Variants in SRPK2 observed in about 807,000 individuals in gnomAD.
The protein encoded by SRPK2 is SRSF protein kinase 2, also known as SFRS protein kinase 2.
In SRPK2, 21 loss-of-function variants were observed where a neutral mutation model predicts 90.8. The observed-to-expected ratio is 0.23, with a 90% CI of 0.16 to 0.33. The LOEUF is 0.33. Among genes scored for constraint, SRPK2 ranks in the 10% least tolerant of loss-of-function variants. The probability of loss-of-function intolerance (pLI) is 1.00; values close to 1 mark genes in which losing one functional copy is unlikely to be tolerated. For synonymous variants in SRPK2, 288 were observed against 311.1 expected (o/e 0.93, Z 0.78); for missense variants, 620 against 869.0 (o/e 0.71, Z 3.60).
rs762401210 is a variant in SRPK2, at chr7:105,160,493, G to A, written c.621+14C>T. Reference sequence around the variant, plus strand: ...TAGGTACTAGGGCCTAGGGGCTGCCGTCAAAAGTCTCACCTGTCGAATGAT... The same window carrying A: ...TAGGTACTAGGGCCTAGGGGCTGCCATCAAAAGTCTCACCTGTCGAATGAT... On this transcript the variant is annotated intron_variant, in intron 7 of 15. Transcript: ENST00000393651. The A allele has an allele frequency of 7.6e-6, 12 of 1,572,136 alleles. No individual in the cohort carries two copies. Among genetic ancestry groups the A allele is most frequent in the African/African-American group, 2.7e-5 (2 of 74,186 alleles).
At chr7:105,357,601 G>A (rs934462535) in intron 2 of SRPK2, among the ~76,000 whole-genome samples, 10 of 151,882 alleles carry the variant, frequency 6.6e-5, no homozygotes, top group Admixed American at 1.3e-4. Flanking sequence ...AAAAATAGCC[G>A]GGTGCGGTGG....
intron 2 of SRPK2, among the ~76,000 whole-genome samples, chr7:105,370,313 AAC>A (rs2132428543): frequency 1.3e-5 from 2 of 152,240 alleles, no homozygotes; most frequent in South Asian, 4.1e-4. Flanking sequence ...AAACCTGCCC[AAC>A]ACACACAGTC....
chr7:105,366,352 C>A (rs1819052060), intron 2 of SRPK2, among the ~76,000 whole-genome samples: 1 of 145,748 alleles, frequency 6.9e-6, no homozygotes, highest in Admixed American at 7.1e-5. Flanking sequence ...ATTGTATTAG[C>A]ATCTACAGGT....
At chr7:105,291,644 T>C (rs2131043680) in intron 2 of SRPK2, among the ~76,000 whole-genome samples, 1 of 152,204 alleles carries the variant, frequency 6.6e-6, no homozygotes, top group Non-Finnish European at 1.5e-5. Context: ...GCACAAGAAT[T>C]GCTTGAACCC....
intron 1 of SRPK2, among the ~76,000 whole-genome samples, chr7:105,398,075 T>TTAATATA (rs1822380144): frequency 6.6e-6 from 1 of 152,222 alleles, no homozygotes; most frequent in Non-Finnish European, 1.5e-5. Context: ...AAGTATTAAA[T>TTAATATA]ATTTATAAAA....
intron 2 of SRPK2, among the ~76,000 whole-genome samples, chr7:105,251,107 T>C (rs940253122): frequency 2.6e-5 from 4 of 152,176 alleles, no homozygotes; most frequent in African/African-American, 4.8e-5. Context: ...TACTTTGAAA[T>C]AAATACTTAC....
intron 1 of SRPK2, among the ~76,000 whole-genome samples, chr7:105,398,363 G>A (rs1411858198): frequency 6.6e-6 from 1 of 151,466 alleles, no homozygotes; most frequent in Non-Finnish European, 1.5e-5. Flanking sequence ...GGCCTTTAAT[G>A]GATGAAAACC....
At chr7:105,315,106 C>T (rs992988965) in intron 2 of SRPK2, among the ~76,000 whole-genome samples, 12 of 152,208 alleles carry the variant, frequency 7.9e-5, no homozygotes, top group African/African-American at 2.9e-4. Flanking sequence ...GGGGATCCCA[C>T]CTCTATTTTT....
chr7:105,170,961 AAGAAAG>A (rs373491814), intron 3 of SRPK2, among the ~76,000 whole-genome samples: 4,337 of 45,244 alleles, frequency 0.096, 531 homozygotes, highest in South Asian at 0.2. Flanking sequence ...GAAAGAAAGA[AAGAAAG>A]AGAAAGAAAG....
At chr7:105,268,921 A>C (rs888981489) in intron 2 of SRPK2, 2 of 1,546,460 alleles carry the variant, frequency 1.3e-6, no homozygotes, top group African/African-American at 2.7e-5. Context: ...CTTGCTTTCA[A>C]GCCTTATATC....
chr7:105,196,796 T>A (rs1246331258), intron 3 of SRPK2, among the ~76,000 whole-genome samples: 1 of 152,206 alleles, frequency 6.6e-6, no homozygotes, highest in Non-Finnish European at 1.5e-5. Context: ...ACACCTGTAA[T>A]CCCTGCACTT....
intron 9 of SRPK2, 126 bp from the exon 10 acceptor site, chr7:105,143,456 AACCCAG>A: frequency 1.6e-6 from 2 of 1,216,188 alleles, no homozygotes; most frequent in Non-Finnish European, 2.3e-6. Flanking sequence ...TAAAATCCCA[AACCCAG>A]ACAGATCCAC....
intron 2 of SRPK2, among the ~76,000 whole-genome samples, chr7:105,228,383 A>G (rs549392408): frequency 6.6e-6 from 1 of 152,346 alleles, no homozygotes; most frequent in East Asian, 1.9e-4. Flanking sequence ...ACATTTCATA[A>G]AAGATGTTGT....
At chr7:105,245,220 G>T (rs376396166) in intron 2 of SRPK2, among the ~76,000 whole-genome samples, 8 of 152,210 alleles carry the variant, frequency 5.3e-5, no homozygotes, top group African/African-American at 1.9e-4. Flanking sequence ...TCGAGCTAGT[G>T]GAGTGAGAAG....
chr7:105,241,339 GAAGGAC>G (rs1288232239), intron 2 of SRPK2, among the ~76,000 whole-genome samples: 1 of 151,988 alleles, frequency 6.6e-6, no homozygotes, highest in African/African-American at 2.4e-5. Flanking sequence ...GGACTCCGGA[GAAGGAC>G]TCCGGAGAAG....
intron 2 of SRPK2, among the ~76,000 whole-genome samples, chr7:105,252,747 CTT>C (rs140386836): frequency 0.77 from 100,088 of 130,074 alleles, 38,292 homozygotes; most frequent in Non-Finnish European, 0.82. Context: ...TTTTTTTTTT[CTT>C]TTTTTTTTTT....
chr7:105,156,427 A>C (rs576317757), intron 7 of SRPK2, among the ~76,000 whole-genome samples: 12 of 152,366 alleles, frequency 7.9e-5, no homozygotes, highest in Admixed American at 7.8e-4. Flanking sequence ...CACTGAATTA[A>C]CTATTTGCTA....
At chr7:105,159,439 C>G (rs1807085368) in intron 7 of SRPK2, among the ~76,000 whole-genome samples, 1 of 26,570 alleles carries the variant, frequency 3.8e-5, no homozygotes, top group Non-Finnish European at 1.2e-4. Context: ...CAGAGCGAGA[C>G]TCCGTCTCCA....
At chr7:105,396,778 GAGAGAAAGAAAGAAAGAGAA>G (rs1822337202) in intron 1 of SRPK2, among the ~76,000 whole-genome samples, 1 of 112,216 alleles carries the variant, frequency 8.9e-6, no homozygotes, top group Non-Finnish European at 1.7e-5. Context: ...GAAAGAAAGA[GAGAGAAAGAAAGAAAGAGAA>G]AGAGAAAGAA....
Sources: allele counts gnomAD v4.1 joint callset (sites outside exome capture counted in the v4.1 genomes callset), GRCh38; gene constraint gnomAD v4.1.1; transcripts MANE v1.5; gene names NCBI Gene and HGNC (gene_info 2026-07-23, HGNC 2026-07-21).